Variants in SH3RF3 observed in about 807,000 individuals in gnomAD.
SH3RF3 encodes SH3 domain containing ring finger 3.
In SH3RF3, 29 loss-of-function variants were observed where a neutral mutation model predicts 66.3. That is an observed-to-expected ratio of 0.44 (90% CI 0.33 to 0.60). The LOEUF is 0.60. Ranked by LOEUF, SH3RF3 falls within the 20% of genes least tolerant of loss-of-function variation. SH3RF3 has a pLI of 0.04. For synonymous variants in SH3RF3, 583 were observed against 532.0 expected (o/e 1.10, Z -1.32); for missense variants, 1,194 against 1,190.9 (o/e 1.00, Z -0.04).
At chr2:109,280,162 C>CTGA (rs1166705429) in intron 1 of SH3RF3, among the ~76,000 whole-genome samples, 1 of 152,146 alleles carries the variant, frequency 6.6e-6, no homozygotes, top group Non-Finnish European at 1.5e-5. Flanking sequence ...TCATAAAGAG[C>CTGA]TGACATCTAT....
intron 4 of SH3RF3, among the ~76,000 whole-genome samples, chr2:109,404,580 G>C (rs1676405495): frequency 6.6e-6 from 1 of 152,148 alleles, no homozygotes; most frequent in Non-Finnish European, 1.5e-5. Context: ...TGGCCACTGG[G>C]CACCTCCCAG....
intron 1 of SH3RF3, chr2:109,251,641 C>CG: frequency 1.0e-5 from 14 of 1,372,190 alleles, no homozygotes; most frequent in Non-Finnish European, 1.0e-5. Context: ...AGCCTTGGAA[C>CG]GAGTATAAAT....
chr2:109,278,551 C>T (rs1574546571), intron 1 of SH3RF3, among the ~76,000 whole-genome samples: 2 of 152,176 alleles, frequency 1.3e-5, no homozygotes, highest in South Asian at 4.1e-4. Context: ...TGTCGGGCCC[C>T]AATGTCACTG....
intron 1 of SH3RF3, among the ~76,000 whole-genome samples, chr2:109,212,300 G>T (rs1181355193): frequency 1.3e-5 from 2 of 152,200 alleles, no homozygotes; most frequent in East Asian, 3.8e-4. Flanking sequence ...CAGTTGGCTC[G>T]CTATGGAGGA....
intron 8 of SH3RF3, among the ~76,000 whole-genome samples, chr2:109,453,578 G>A (rs574580074): frequency 3.1e-4 from 47 of 152,228 alleles, no homozygotes; most frequent in South Asian, 2.7e-3. Context: ...CCACCCGACC[G>A]GCCATCACTC....
intron 8 of SH3RF3, among the ~76,000 whole-genome samples, chr2:109,456,520 A>C (rs1001616847): frequency 6.6e-6 from 1 of 152,186 alleles, no homozygotes; most frequent in Non-Finnish European, 1.5e-5. Flanking sequence ...ACAGGCCCTC[A>C]GTGGGGCAGG....
intron 1 of SH3RF3, among the ~76,000 whole-genome samples, chr2:109,314,171 G>A (rs4632377): frequency 0.59 from 89,797 of 151,966 alleles, 27,914 homozygotes; most frequent in East Asian, 0.91. Flanking sequence ...TCTGTGTCCC[G>A]GGAGACCAGC....
intron 9 of SH3RF3, among the ~76,000 whole-genome samples, chr2:109,499,282 G>A (rs376830700): frequency 4.2e-4 from 64 of 152,244 alleles, no homozygotes; most frequent in African/African-American, 1.4e-3. Flanking sequence ...GAGTGCCTTC[G>A]CCCTGCCAGG....
chr2:109,231,977 T>C (rs906215602), intron 1 of SH3RF3, among the ~76,000 whole-genome samples: 13 of 152,240 alleles, frequency 8.5e-5, no homozygotes, highest in African/African-American at 2.9e-4. Context: ...GTAGAATATT[T>C]TATCCTTTTT....
chr2:109,137,287 T>A (rs568362203), intron 1 of SH3RF3, among the ~76,000 whole-genome samples: 1 of 152,336 alleles, frequency 6.6e-6, no homozygotes, highest in African/African-American at 2.4e-5. Context: ...GCTTTGCACT[T>A]CTTCTTTCTG....
intron 1 of SH3RF3, among the ~76,000 whole-genome samples, chr2:109,306,849 T>C (rs1681609224): frequency 6.6e-6 from 1 of 152,190 alleles, no homozygotes; most frequent in African/African-American, 2.4e-5. Context: ...GTATGTTGAG[T>C]AAGCTGCAGG....
intron 1 of SH3RF3, among the ~76,000 whole-genome samples, chr2:109,256,601 T>C (rs188403244): frequency 1.9e-4 from 29 of 152,272 alleles, no homozygotes; most frequent in African/African-American, 7.0e-4. Flanking sequence ...GCCTGAGAGC[T>C]TCGAGGGGAT....
At chr2:109,248,866 T>TCC (rs1679985674) in intron 1 of SH3RF3, among the ~76,000 whole-genome samples, 4 of 117,242 alleles carry the variant, frequency 3.4e-5, no homozygotes, top group African/African-American at 1.5e-4. Flanking sequence ...TCCTTTCCTT[T>TCC]TTCCTTTCCT....
intron 3 of SH3RF3, among the ~76,000 whole-genome samples, chr2:109,379,886 G>A (rs376396735): frequency 8.7e-4 from 132 of 152,316 alleles, no homozygotes; most frequent in Non-Finnish European, 1.5e-3. Flanking sequence ...GTGATGTTGT[G>A]TCTATGTCTG....
At chr2:109,237,770 G>C (rs1287039196) in intron 1 of SH3RF3, among the ~76,000 whole-genome samples, 1 of 152,000 alleles carries the variant, frequency 6.6e-6, no homozygotes, top group Non-Finnish European at 1.5e-5. Context: ...TCTTCCAAAA[G>C]AAAATCATCC....
At chr2:109,298,757 C>T (rs575546991) in intron 1 of SH3RF3, among the ~76,000 whole-genome samples, 5 of 152,274 alleles carry the variant, frequency 3.3e-5, no homozygotes, top group African/African-American at 9.6e-5. Context: ...CTGATCTAAC[C>T]TTCTTCCACC....
intron 3 of SH3RF3, among the ~76,000 whole-genome samples, chr2:109,385,620 G>T (rs538116307): frequency 6.6e-6 from 1 of 152,370 alleles, no homozygotes; most frequent in African/African-American, 2.4e-5. Flanking sequence ...GACAACCAGT[G>T]TATTGCAGGC....
chr2:109,269,867 T>C (rs575601380), intron 1 of SH3RF3, among the ~76,000 whole-genome samples: 1 of 152,318 alleles, frequency 6.6e-6, no homozygotes, highest in Non-Finnish European at 1.5e-5. Flanking sequence ...CAGGCATTTG[T>C]TCATTACATC....
intron 7 of SH3RF3, among the ~76,000 whole-genome samples, chr2:109,444,261 A>G (rs1677648582): frequency 6.6e-6 from 1 of 152,248 alleles, no homozygotes; most frequent in Non-Finnish European, 1.5e-5. Context: ...GACTTCTTAA[A>G]AAATACAGTA....
Sources: allele counts gnomAD v4.1 joint callset (sites outside exome capture counted in the v4.1 genomes callset), GRCh38; gene constraint gnomAD v4.1.1; transcripts MANE v1.5; gene names NCBI Gene and HGNC (gene_info 2026-07-23, HGNC 2026-07-21).